DNM2: variants seen among roughly 807,000 people sequenced by gnomAD.
The protein encoded by DNM2 is dynamin-2.
A neutral mutation model predicts 99.0 loss-of-function variants in DNM2; 15 were observed. That is an observed-to-expected ratio of 0.15 (90% CI 0.10 to 0.23). The LOEUF (loss-of-function observed/expected upper bound fraction) is 0.23. DNM2 is among the 10% of genes least tolerant of loss of function. The pLI, the probability that DNM2 is intolerant of heterozygous loss-of-function variation, is 1.00. For synonymous variants in DNM2, 525 were observed against 481.2 expected, an observed-to-expected ratio of 1.09 and a Z score of -1.19; for missense variants, 742 against 1,189.4, an observed-to-expected ratio of 0.62 and a Z score of 5.53.
At chr19:10,815,903 G>A (rs540270405) in intron 15 of DNM2, among the ~76,000 whole-genome samples, 3 of 152,242 alleles carry the variant, frequency 2.0e-5, no homozygotes, top group East Asian at 3.9e-4. Context: ...GGGGGGCCCC[G>A]GCTGGCCCCA....
Position 10,812,033 on chromosome 19 carries a change from C to T in DNM2, c.1558-231C>T, listed in dbSNP as rs1268541208. ...CTCTGTGAGTCTATACCCCATCAGC[C>T]CCTGGCCCAGTGAGTCTGTCTGTCC... is the stretch of plus-strand genomic sequence containing the variant. On this transcript the variant is annotated intron_variant, in intron 14 of 20. Transcript: ENST00000389253. This position sits in a 1 kb window ranked among gnomAD's most constrained non-coding sequence, Gnocchi z 4.0. The T allele has an allele frequency of 1.9e-6, 1 of 522,608 alleles. No individual in the cohort carries two copies. Among genetic ancestry groups the T allele is most frequent in the Non-Finnish European group, 3.7e-6 (1 of 270,310 alleles). 32.4% of individuals were successfully genotyped at this position (522,608 alleles called of 1,614,324 possible).
intron 12 of DNM2, among the ~76,000 whole-genome samples, chr19:10,804,791 T>C (rs2072276523): frequency 6.6e-6 from 1 of 152,236 alleles, no homozygotes; most frequent in Non-Finnish European, 1.5e-5. Flanking sequence ...TTCTTAGTTT[T>C]CCAGCCTTTC....
chr19:10,825,853 CAAAAA>C (rs35659147), intron 18 of DNM2, among the ~76,000 whole-genome samples: 1 of 67,058 alleles, frequency 1.5e-5, no homozygotes, highest in Non-Finnish European at 3.2e-5. Flanking sequence ...GACTCCATCT[CAAAAA>C]AAAAAAAAAA....
intron 16 of DNM2, among the ~76,000 whole-genome samples, chr19:10,822,169 T>TTTTTTC (rs1438651520): frequency 6.6e-6 from 1 of 151,932 alleles, no homozygotes; most frequent in African/African-American, 2.4e-5. Flanking sequence ...ACCCTGGTTC[T>TTTTTTC]TTTTTCTTTT....
chr19:10,815,268 C>T (rs1435055058), intron 15 of DNM2, among the ~76,000 whole-genome samples: 1 of 152,184 alleles, frequency 6.6e-6, no homozygotes, highest in African/African-American at 2.4e-5. Flanking sequence ...GAAAGAAGGG[C>T]CTCTGTGTGT....
At chr19:10,790,383 A>C (rs944103423) in intron 7 of DNM2, among the ~76,000 whole-genome samples, 2 of 151,784 alleles carry the variant, frequency 1.3e-5, no homozygotes, top group Non-Finnish European at 2.9e-5. Context: ...CAGGGCAAAG[A>C]CCCCAGCAGA....
intron 12 of DNM2, among the ~76,000 whole-genome samples, chr19:10,804,841 C>T (rs2072278623): frequency 6.6e-6 from 1 of 152,206 alleles, no homozygotes; most frequent in African/African-American, 2.4e-5. Context: ...CCTTATCCTA[C>T]AGCCAACTTG....
chr19:10,759,885 A>G (rs993299947), intron 2 of DNM2, 74 bp downstream of exon 2: 149 of 1,587,736 alleles, frequency 9.4e-5, no homozygotes, highest in Non-Finnish European at 1.2e-4. Flanking sequence ...CTGGGGGCGG[A>G]GGGTGGAACT....
intron 1 of DNM2, among the ~76,000 whole-genome samples, chr19:10,728,129 C>T (rs1402553177): frequency 1.3e-5 from 2 of 152,176 alleles, no homozygotes; most frequent in African/African-American, 4.8e-5. Flanking sequence ...TCACCCGTAG[C>T]TTGAACCGGG....
At chr19:10,814,201 AC>A (rs2072654799) in intron 15 of DNM2, among the ~76,000 whole-genome samples, 1 of 152,324 alleles carries the variant, frequency 6.6e-6, no homozygotes, top group Non-Finnish European at 1.5e-5. Context: ...GCAGTGGCTC[AC>A]GCCATTAATC....
intron 5 of DNM2, chr19:10,781,754 C>CA (rs1038820693): frequency 5.3e-5 from 8 of 152,160 alleles, no homozygotes; most frequent in Admixed American, 3.3e-4. Flanking sequence ...TGTCTCAAAA[C>CA]AAAAAACCCC....
chr19:10,725,319 G>C (rs1327275262), intron 1 of DNM2, among the ~76,000 whole-genome samples: 1 of 151,944 alleles, frequency 6.6e-6, no homozygotes, highest in Non-Finnish European at 1.5e-5. Flanking sequence ...GGTGGCGCAT[G>C]CCTTTAGTCC....
chr19:10,799,862 T>C (rs2072075045), intron 11 of DNM2, among the ~76,000 whole-genome samples: 1 of 151,346 alleles, frequency 6.6e-6, no homozygotes, highest in South Asian at 2.1e-4. Flanking sequence ...CATTTAACGC[T>C]TTCTTGCAAA....
Position 10,802,370 on chromosome 19 carries a change from T to C in DNM2, c.1493+12T>C, listed in dbSNP as rs200489732. ...ATCGGGTTTGCCAAGTAGGTACTTT[T>C]AGAGACTGGCTGGTCGGGCGGCACC... On this transcript the variant is annotated intron_variant, in intron 12 of 20. Coordinates refer to ENST00000389253, the MANE Select transcript of DNM2 (RefSeq NM_001005361.3). The C allele has an allele frequency of 5.0e-5, 80 of 1,614,162 alleles. No individual in the cohort carries two copies. The African/African-American group carries it at 9.1e-4, about 18-fold the overall frequency.
At chr19:10,808,448 C>A in intron 13 of DNM2, 121 bp from the exon 14 acceptor site, 1 of 1,085,970 alleles carries the variant, frequency 9.2e-7, no homozygotes, top group South Asian at 1.6e-5. Flanking sequence ...CCCTGCTCTT[C>A]TCTTCTCCTG....
At position 10,825,969 on chromosome 19, in the gene DNM2, A is replaced by G. The variant is rs550518081; in HGVS notation, c.2058+748A>G. On this transcript the variant is annotated intron_variant, in intron 18 of 20. Transcript: ENST00000389253. Reference sequence around the variant, plus strand: ...AGGATCACTTGAGCCCAGGAGGTTGAGGCTGCAGTGAGCTATGATCATGCC... The same window carrying G: ...AGGATCACTTGAGCCCAGGAGGTTGGGGCTGCAGTGAGCTATGATCATGCC... Among the ~76,000 whole-genome samples, 8 of 152,026 alleles carry G rather than the reference A, an allele frequency of 5.3e-5. No homozygotes were observed. The East Asian group carries it at 1.5e-3, about 29-fold the overall frequency.
chr19:10,806,489 C>T (rs891326600), intron 13 of DNM2, among the ~76,000 whole-genome samples: 2 of 151,272 alleles, frequency 1.3e-5, no homozygotes, highest in Non-Finnish European at 2.9e-5. Flanking sequence ...AATGAGACCT[C>T]ATCTTAAAAA....
intron 3 of DNM2, among the ~76,000 whole-genome samples, chr19:10,774,690 G>A (rs1568293113): frequency 6.7e-6 from 1 of 149,660 alleles, no homozygotes; most frequent in Non-Finnish European, 1.5e-5. Flanking sequence ...CTCCCAAAGT[G>A]CTGGCATTAC....
In DNM2 at chr19:10,816,610, C is replaced by T. The variant is rs2072750276; in HGVS notation, c.1672-3370C>T. On this transcript the variant is annotated intron_variant, in intron 15 of 20. Transcript: ENST00000389253. This position sits in a 1 kb window ranked among gnomAD's most constrained non-coding sequence, Gnocchi z 4.6. ...CCTTTCTCTTTTTCTCCCCTCTTTC[C>T]GCCTTGCAGTGAGAAACCAGCCTGC... Among the ~76,000 whole-genome samples, 1 of 152,110 alleles carries T rather than the reference C, an allele frequency of 6.6e-6. No homozygotes were observed. The highest frequency in any genetic ancestry group is 2.4e-5 in the African/African-American group (1 of 41,440).
Sources: allele counts gnomAD v4.1 joint callset (sites outside exome capture counted in the v4.1 genomes callset), GRCh38; gene constraint gnomAD v4.1.1; non-coding constraint Gnocchi (gnomAD v3.1); transcripts MANE v1.5; gene names NCBI Gene and HGNC (gene_info 2026-07-23, HGNC 2026-07-21).